COL9A1: variants seen among roughly 807,000 people sequenced by gnomAD.
COL9A1 encodes collagen alpha-1(IX) chain.
A neutral mutation model predicts 142.6 loss-of-function variants in COL9A1; 104 were observed. The ratio of observed to expected loss-of-function variants is 0.73; its 90% CI spans 0.62 to 0.86. COL9A1 has a LOEUF of 0.86. Among genes scored for constraint, COL9A1 ranks in the 40% least tolerant of loss-of-function variants. COL9A1 has a pLI of 0.00. For synonymous variants in COL9A1, 466 were observed against 396.0 expected, an observed-to-expected ratio of 1.18 and a Z score of -2.10; for missense variants, 1,210 against 1,176.6, an observed-to-expected ratio of 1.03 and a Z score of -0.42.
At chr6:70,229,644 C>T (rs1347781566) in intron 36 of COL9A1, among the ~76,000 whole-genome samples, 1 of 152,078 alleles carries the variant, frequency 6.6e-6, no homozygotes, top group Non-Finnish European at 1.5e-5. Context: ...CAGCCTTACT[C>T]AAAGGGACTT....
chr6:70,255,371 C>A lies in COL9A1; in HGVS notation c.1523G>T (p.Gly508Val). The A allele has an allele frequency of 6.2e-7, 1 of 1,614,138 alleles. No individual in the cohort carries two copies. Residue 508 changes from glycine (G) to valine (V), a missense_variant, in exon 22 of 38, where the codon GGA becomes GTA. Coordinates refer to ENST00000357250, the MANE Select transcript of COL9A1 (RefSeq NM_001851.6). ...TTTGGGACCTGCTTCTCCTGGAGGT[C>A]CTCGCTGTCCTTGATCACCCTGTAT... Reference protein sequence around the residue: ...PGAPGDQGQRGPPGEAGPKGD... With the variant: ...PGAPGDQGQRVPPGEAGPKGD...
At chr6:70,288,796 C>T (rs1237475665) in intron 5 of COL9A1, among the ~76,000 whole-genome samples, 1 of 152,152 alleles carries the variant, frequency 6.6e-6, no homozygotes, top group African/African-American at 2.4e-5. Context: ...TCACTCAAGG[C>T]ACTCCAATAT....
chr6:70,238,607 A>G (rs878943611), intron 33 of COL9A1, among the ~76,000 whole-genome samples: 3 of 152,198 alleles, frequency 2.0e-5, no homozygotes, highest in Non-Finnish European at 4.4e-5. Context: ...TATACTGTTG[A>G]CAACAAAAAA....
intron 36 of COL9A1, 24 bp from the exon 37 acceptor site, chr6:70,226,033 A>C: frequency 6.4e-7 from 1 of 1,567,710 alleles, no homozygotes; most frequent in Non-Finnish European, 8.8e-7. Flanking sequence ...AAGAAATGTT[A>C]TTTTTCTACA....
intron 14 of COL9A1, 49 bp downstream of exon 14, chr6:70,271,606 T>C: frequency 6.4e-7 from 1 of 1,560,410 alleles, no homozygotes. Context: ...CCAAATAACA[T>C]CTTCTATTAA....
rs9346373 is a variant in COL9A1 at position 70,253,421 on chromosome 6, A to G, written c.1728T>C (p.Pro576=). The G allele has an allele frequency of 1.0e-5, 16 of 1,605,128 alleles. No homozygotes were observed. In the South Asian group the frequency reaches 1.8e-4, roughly 18 times the overall value. ...DAGLQGLPGV[P]GIPGAKGVAG... is the part of the protein sequence containing the mutation. The stretch of plus-strand genomic sequence containing the variant: ...CAACACCCTTTGCACCAGGAATTCC[A>G]GGTACACCCTAAAAGAATACATACA... The change falls in exon 26 of 38, where the codon CCT becomes CCC. Residue 576 remains proline (P), a synonymous_variant. Coordinates refer to ENST00000357250, the MANE Select transcript of COL9A1 (RefSeq NM_001851.6).
chr6:70,284,280 A>G (rs2127600234), intron 5 of COL9A1, among the ~76,000 whole-genome samples: 1 of 151,416 alleles, frequency 6.6e-6, no homozygotes, highest in East Asian at 1.9e-4. Flanking sequence ...TTAGAGACAG[A>G]AAAAAAAAGT....
At chr6:70,289,367 A>G (rs1773573166) in intron 5 of COL9A1, among the ~76,000 whole-genome samples, 1 of 152,170 alleles carries the variant, frequency 6.6e-6, no homozygotes, top group African/African-American at 2.4e-5. Context: ...GTTTTCTATT[A>G]AAAGAAAGTT....
chr6:70,293,634 C>T (rs1266164948), intron 5 of COL9A1, among the ~76,000 whole-genome samples: 17 of 31,158 alleles, frequency 5.5e-4, no homozygotes, highest in Admixed American at 5.2e-3. Context: ...CTCTCTTTCA[C>T]ACACACACAC....
chr6:70,283,758 A>C lies in COL9A1; in HGVS notation c.759T>G (p.His253Gln). The C allele has an allele frequency of 6.2e-7, 1 of 1,611,970 alleles. No homozygotes were observed. The highest frequency in any genetic ancestry group is 8.5e-7 in the Non-Finnish European group (1 of 1,179,202). ...DPLRPRRETC[H>Q]ELPARITPSQ... ...TCACCGTTATTCTGGCTGGCAGCTC[A>C]TGGCAAGTTTCTCTCCTGGGCCGCA... The change falls in exon 6 of 38, where the codon CAT becomes CAG. Residue 253 changes from histidine to glutamine, a missense_variant. Coordinates refer to ENST00000357250, the MANE Select transcript of COL9A1 (RefSeq NM_001851.6).
At chr6:70,221,572 G>C (rs1181029724) in intron 37 of COL9A1, among the ~76,000 whole-genome samples, 1 of 152,104 alleles carries the variant, frequency 6.6e-6, no homozygotes, top group Non-Finnish European at 1.5e-5. Context: ...CTTTGCACAA[G>C]AAAACCAAAT....
At position 70,225,965 on chromosome 6, in the gene COL9A1, G is replaced by A. The variant is rs1769199490; in HGVS notation, c.2548C>T (p.Pro850Ser). Residue 850 changes from proline to serine, a missense_variant, in exon 37 of 38, where the codon CCC becomes TCC. Coordinates refer to ENST00000357250, the MANE Select transcript of COL9A1 (RefSeq NM_001851.6). ...KGERGPPGRG[P>S]NGLPGAIGLP... ...CCTATAGCTCCAGGCAAACCGTTGG[G>A]ACCTCTTCCTGGAGGGCCACGCTCC... 2 of 1,613,842 alleles carry A rather than the reference G, an allele frequency of 1.2e-6. No individual in the cohort carries two copies. Among genetic ancestry groups the A allele is most frequent in the East Asian group, 2.2e-5 (1 of 44,880 alleles).
Position 70,269,560 on chromosome 6 carries a change from T to C in COL9A1, c.1230+73A>G, listed in dbSNP as rs1772258009. ...CATAGAATATTCCAGGGAAATCTTT[T>C]AAAGAAAACTCATCTGCAGGCTATA... On this transcript the variant is annotated intron_variant, in intron 16 of 37. Coordinates refer to ENST00000357250, the MANE Select transcript of COL9A1 (RefSeq NM_001851.6). The C allele has an allele frequency of 3.8e-6, 4 of 1,042,124 alleles. No individual in the cohort carries two copies. The South Asian group carries it at 5.1e-5, about 13-fold the overall frequency. 64.6% of individuals were successfully genotyped at this position (1,042,124 alleles called of 1,614,324 possible). A position where few individuals can be genotyped will look rare whatever the true frequency, so the allele number is the denominator to read the frequency against.
At chr6:70,273,722 G>T (rs1364698410) in intron 12 of COL9A1, among the ~76,000 whole-genome samples, 2 of 152,098 alleles carry the variant, frequency 1.3e-5, no homozygotes, top group Admixed American at 1.3e-4. Flanking sequence ...ATATGCTGTT[G>T]TTATGCAAGA....
chr6:70,268,868 GGA>G lies in COL9A1; in HGVS notation c.1231-10_1231-9del. 1 of 1,613,372 alleles carries G rather than the reference GGA, an allele frequency of 6.2e-7. No homozygotes were observed. The highest frequency in any genetic ancestry group is 8.5e-7 in the Non-Finnish European group (1 of 1,179,546). On this transcript the variant is annotated splice_polypyrimidine_tract_variant and intron_variant, in intron 16 of 37. Coordinates refer to ENST00000357250, the MANE Select transcript of COL9A1 (RefSeq NM_001851.6). ...TGGACAGGCATTGGGACACTGCCAG[GGA>G]GAGAGGGAACAAAGAGAAAGAAAGA...
chr6:70,247,716 A>G (rs1486830441), intron 28 of COL9A1, among the ~76,000 whole-genome samples: 1 of 152,230 alleles, frequency 6.6e-6, no homozygotes, highest in African/African-American at 2.4e-5. Context: ...TCACAAAGAT[A>G]TTTTTAAAAT....
intron 20 of COL9A1, chr6:70,258,770 T>A (rs1248643240): frequency 6.6e-6 from 1 of 152,124 alleles, no homozygotes. Flanking sequence ...CTTTCTTTTT[T>A]AAAGCAATTT....
chr6:70,281,626 C>G (rs374225937), intron 7 of COL9A1, among the ~76,000 whole-genome samples, 162 bp from the exon 8 acceptor site: 4 of 152,098 alleles, frequency 2.6e-5, no homozygotes, highest in Non-Finnish European at 5.9e-5. Context: ...TCCAAGCAAG[C>G]GCAGCTTTGG....
At chr6:70,232,929 G>C (rs1382783930) in intron 35 of COL9A1, among the ~76,000 whole-genome samples, 158 bp from the exon 36 acceptor site, 1 of 152,148 alleles carries the variant, frequency 6.6e-6, no homozygotes, top group Non-Finnish European at 1.5e-5. Flanking sequence ...TTCTCTGTGG[G>C]CTTTCTGCCA....
Sources: allele counts gnomAD v4.1 joint callset (sites outside exome capture counted in the v4.1 genomes callset), GRCh38; gene constraint gnomAD v4.1.1; transcripts MANE v1.5; gene names NCBI Gene and HGNC (gene_info 2026-07-23, HGNC 2026-07-21).